Variants in CMIP observed in about 807,000 individuals in gnomAD.
CMIP encodes the protein C-Maf-inducing protein.
In CMIP, 13 loss-of-function variants were observed where a neutral mutation model predicts 97.3. The ratio of observed to expected loss-of-function variants is 0.13; its 90% confidence interval spans 0.09 to 0.21. CMIP has a LOEUF of 0.21. CMIP is among the 10% of genes least tolerant of loss of function. The pLI, the probability that CMIP is intolerant of heterozygous loss-of-function variation, is 1.00. For synonymous variants in CMIP, 538 were observed against 436.3 expected (o/e 1.23, Z -2.91); for missense variants, 847 against 1,024.9 (o/e 0.83, Z 2.37).
chr16:81,470,069 A>G (rs1277725521), intron 1 of CMIP, among the ~76,000 whole-genome samples: 5 of 152,260 alleles, frequency 3.3e-5, no homozygotes, highest in African/African-American at 1.2e-4. Context: ...TTGTGCAGAA[A>G]TCATGAGCAG....
At chr16:81,661,547 C>T (rs1038613847) in intron 6 of CMIP, among the ~76,000 whole-genome samples, 3 of 152,200 alleles carry the variant, frequency 2.0e-5, no homozygotes, top group Non-Finnish European at 4.4e-5. Context: ...TCAGCACTCC[C>T]CTGTCATACC....
chr16:81,575,614 T>C (rs369468608), intron 1 of CMIP, among the ~76,000 whole-genome samples: 19 of 152,280 alleles, frequency 1.2e-4, no homozygotes, highest in African/African-American at 4.3e-4. Flanking sequence ...TGCTCCCTTT[T>C]GTATTGTCAC....
At chr16:81,677,344 G>T (rs1428394037) in intron 9 of CMIP, among the ~76,000 whole-genome samples, 1 of 152,102 alleles carries the variant, frequency 6.6e-6, no homozygotes, top group Non-Finnish European at 1.5e-5. Flanking sequence ...TAACTTCTGA[G>T]ACCGTCTTTC....
At chr16:81,544,745 G>A (rs1437915800) in intron 1 of CMIP, among the ~76,000 whole-genome samples, 4 of 151,922 alleles carry the variant, frequency 2.6e-5, no homozygotes, top group Non-Finnish European at 2.9e-5. Flanking sequence ...GTGTGTGTGC[G>A]TGTATTTGTG....
At chr16:81,507,212 C>T (rs1381920698) in intron 1 of CMIP, among the ~76,000 whole-genome samples, 1 of 152,192 alleles carries the variant, frequency 6.6e-6, no homozygotes, top group East Asian at 1.9e-4. Context: ...GCCGATTGTG[C>T]CACTGCACTC....
intron 1 of CMIP, among the ~76,000 whole-genome samples, chr16:81,504,832 C>T (rs568482533): frequency 3.9e-5 from 6 of 152,140 alleles, no homozygotes; most frequent in South Asian, 4.1e-4. Flanking sequence ...GTGTGGAACC[C>T]TTTTAGCATT....
At chr16:81,620,846 G>A (rs16955675) in intron 2 of CMIP, 30 bp from the exon 3 acceptor site, 5 of 1,613,496 alleles carry the variant, frequency 3.1e-6, no homozygotes, top group Non-Finnish European at 4.2e-6. Flanking sequence ...CTGATGACCG[G>A]ACCTTGCTGT....
intron 1 of CMIP, among the ~76,000 whole-genome samples, chr16:81,450,973 G>A (rs1906171732): frequency 6.6e-6 from 1 of 152,282 alleles, no homozygotes. Context: ...AGTATATTTT[G>A]GAGACCCTCC....
intron 1 of CMIP, among the ~76,000 whole-genome samples, chr16:81,539,165 T>TTGG (rs149958223): frequency 2.6e-5 from 4 of 152,294 alleles, no homozygotes; most frequent in Middle Eastern, 3.4e-3. Flanking sequence ...AGCGAAACAG[T>TTGG]TGGGTGTAGC....
At chr16:81,547,147 G>A (rs1390997119) in intron 1 of CMIP, among the ~76,000 whole-genome samples, 2 of 152,224 alleles carry the variant, frequency 1.3e-5, no homozygotes, top group Non-Finnish European at 2.9e-5. Flanking sequence ...TTTAAGTCAA[G>A]TGAGGAGGAT....
At chr16:81,615,915 C>G (rs2091911644) in intron 2 of CMIP, among the ~76,000 whole-genome samples, 1 of 152,138 alleles carries the variant, frequency 6.6e-6, no homozygotes, top group African/African-American at 2.4e-5. Context: ...CGTGGACAAA[C>G]ATGGCTGAAG....
intron 3 of CMIP, chr16:81,631,248 G>T: frequency 6.6e-6 from 1 of 152,470 alleles, no homozygotes. Flanking sequence ...TCTTGAAGCA[G>T]GAGCTGAGGA....
intron 10 of CMIP, among the ~76,000 whole-genome samples, chr16:81,685,442 C>A (rs1001549890): frequency 6.6e-6 from 1 of 152,160 alleles, no homozygotes; most frequent in African/African-American, 2.4e-5. Context: ...CCGTGGGGAC[C>A]CTGATTCCTC....
At chr16:81,466,419 G>C (rs2150742436) in intron 1 of CMIP, among the ~76,000 whole-genome samples, 1 of 152,330 alleles carries the variant, frequency 6.6e-6, no homozygotes, top group South Asian at 2.1e-4. Flanking sequence ...TTGGAGGCCA[G>C]GGATGTGCAG....
intron 10 of CMIP, among the ~76,000 whole-genome samples, chr16:81,681,554 C>T (rs956380587): frequency 2.0e-5 from 3 of 152,228 alleles, no homozygotes; most frequent in African/African-American, 7.2e-5. Flanking sequence ...AGAGCAGACA[C>T]CTCTGCGAGG....
chr16:81,530,370 C>T (rs2090209063), intron 1 of CMIP, among the ~76,000 whole-genome samples: 1 of 152,128 alleles, frequency 6.6e-6, no homozygotes. Context: ...GTTCCTGTTC[C>T]TCCCGTCTCG....
chr16:81,507,498 A>G (rs1031093647), intron 1 of CMIP, among the ~76,000 whole-genome samples: 1 of 152,352 alleles, frequency 6.6e-6, no homozygotes, highest in African/African-American at 2.4e-5. Flanking sequence ...AATTTAGAAC[A>G]TGGCTCATCT....
At chr16:81,680,678 CCT>C (rs1042749571) in intron 10 of CMIP, among the ~76,000 whole-genome samples, 1 of 152,210 alleles carries the variant, frequency 6.6e-6, no homozygotes, top group Non-Finnish European at 1.5e-5. Flanking sequence ...ACGTCACAGC[CCT>C]GAGTGTCTTC....
At chr16:81,497,018 C>T (rs903220959) in intron 1 of CMIP, among the ~76,000 whole-genome samples, 1 of 152,182 alleles carries the variant, frequency 6.6e-6, no homozygotes, top group African/African-American at 2.4e-5. Context: ...TGATGCTGGG[C>T]CTCGTAAGGG....
Sources: allele counts gnomAD v4.1 joint callset (sites outside exome capture counted in the v4.1 genomes callset), GRCh38; gene constraint gnomAD v4.1.1; transcripts MANE v1.5; gene names NCBI Gene and HGNC (gene_info 2026-07-23, HGNC 2026-07-21).